The following IL22RA1 variants were observed in gnomAD, a reference collection of about 807,000 sequenced individuals.
IL22RA1 encodes interleukin-22 receptor subunit alpha-1.
IL22RA1 carries 25 observed loss-of-function variants against 32.8 expected under a neutral mutation model. The ratio of observed to expected loss-of-function variants is 0.76; its 90% CI spans 0.55 to 1.06. The LOEUF is 1.06. Ranked by LOEUF, IL22RA1 falls within the 50% of genes least tolerant of loss-of-function variation. The pLI, the probability that IL22RA1 is intolerant of heterozygous loss-of-function variation, is 0.00. For missense variants in IL22RA1, 709 were observed against 727.4 expected (o/e 0.97, Z 0.29); for synonymous variants, 305 against 305.0 (o/e 1.00, Z 0.00).
In IL22RA1 at chr1:24,123,399, G is replaced by A. The variant is rs1192986172; in HGVS notation, c.695C>T (p.Ser232Phe). ...LPDRTWTYSFSGAFLFSMGFL... is the reference protein window; with the variant it reads ...LPDRTWTYSFFGAFLFSMGFL... ...GCCCATGGAGAACAGGAAGGCTCCG[G>A]AGAAGGAGTAGGTCCATGTCCGGTC... is the stretch of plus-strand genomic sequence containing the variant. Residue 232 changes from serine (S) to phenylalanine (F), a missense_variant, in exon 6 of 7, where the codon TCC becomes TTC. Coordinates refer to ENST00000270800, the MANE Select transcript of IL22RA1 (RefSeq NM_021258.4). 1 of 1,613,742 alleles carries A rather than the reference G, an allele frequency of 6.2e-7. No individual in the cohort carries two copies. Among genetic ancestry groups the A allele is most frequent in the African/African-American group, 1.3e-5 (1 of 74,922 alleles).
At chr1:24,140,249 C>A (rs1206741827) in intron 1 of IL22RA1, among the ~76,000 whole-genome samples, 1 of 152,190 alleles carries the variant, frequency 6.6e-6, no homozygotes, top group Non-Finnish European at 1.5e-5. Flanking sequence ...ATGTGAAGAA[C>A]CTACAATATT....
chr1:24,125,913 A>T (rs2148570839), intron 5 of IL22RA1, among the ~76,000 whole-genome samples: 1 of 152,382 alleles, frequency 6.6e-6, no homozygotes, highest in Admixed American at 6.5e-5. Context: ...TCTATATGTC[A>T]GCAAGAAGTA....
At position 24,120,812 on chromosome 1, in the gene IL22RA1, T is replaced by C; in HGVS notation, c.1718A>G (p.Glu573Gly). ...FRGLALTVQW[E>G]S ...AAGCCTTTCCCATTCCCCTCAGGAC[T>C]CCCACTGCACAGTCAGGGCCAGGCC... Residue 573 changes from glutamate to glycine, a missense_variant, in exon 7 of 7, where the codon GAG becomes GGG. Glu to Gly is a moderately conservative substitution (Grantham distance 98, BLOSUM62 -2). Transcript: ENST00000270800. The C allele has an allele frequency of 6.3e-7, 1 of 1,598,204 alleles. No individual in the cohort carries two copies. Among genetic ancestry groups the C allele is most frequent in the Non-Finnish European group, 8.5e-7 (1 of 1,171,310 alleles).
intron 5 of IL22RA1, among the ~76,000 whole-genome samples, chr1:24,125,498 T>C (rs1452427111): frequency 6.7e-6 from 1 of 148,432 alleles, no homozygotes; most frequent in Non-Finnish European, 1.5e-5. Flanking sequence ...ATTCTGAGGG[T>C]AATGCAGACG....
intron 4 of IL22RA1, 34 bp downstream of exon 4, chr1:24,134,177 G>C: frequency 6.4e-7 from 1 of 1,568,536 alleles, no homozygotes; most frequent in East Asian, 2.4e-5. Flanking sequence ...AGGCTTCCTA[G>C]GCAGAGAAAG....
chr1:24,138,987 C>T (rs1644262293), intron 1 of IL22RA1, among the ~76,000 whole-genome samples: 1 of 152,254 alleles, frequency 6.6e-6, no homozygotes, highest in Admixed American at 6.5e-5. Context: ...ATAAATGTCA[C>T]CACCTTACAG....
intron 4 of IL22RA1, among the ~76,000 whole-genome samples, chr1:24,133,481 A>G (rs1334231949): frequency 2.0e-5 from 3 of 152,158 alleles, no homozygotes; most frequent in African/African-American, 7.2e-5. Flanking sequence ...GCACATGCTG[A>G]GGGTAGGGGG....
chr1:24,124,167 T>C (rs1031522937), intron 5 of IL22RA1, among the ~76,000 whole-genome samples: 1 of 152,100 alleles, frequency 6.6e-6, no homozygotes, highest in Admixed American at 6.5e-5. Flanking sequence ...CCTTCTAAAG[T>C]GCTGGGTGCA....
At chr1:24,136,991 A>G in intron 3 of IL22RA1, 140 bp downstream of exon 3, 1 of 762,884 alleles carries the variant, frequency 1.3e-6, no homozygotes, top group South Asian at 2.0e-5. Flanking sequence ...CCTAAAAGCC[A>G]CATCCCCAGC....
intron 1 of IL22RA1, 59 bp downstream of exon 1, chr1:24,142,981 C>T (rs995931591): frequency 3.5e-5 from 53 of 1,517,228 alleles, no homozygotes; most frequent in Non-Finnish European, 4.4e-5. Flanking sequence ...GGGGAGATGA[C>T]CCTGATCGTT....
In IL22RA1 at chr1:24,120,025, A is replaced by G. The variant is rs376387178; in HGVS notation, c.*780T>C. 1 of 152,278 alleles carries G rather than the reference A, an allele frequency of 6.6e-6. No individual in the cohort carries two copies. The highest frequency in any genetic ancestry group is 2.1e-4 in the South Asian group (1 of 4,832). 9.4% of individuals were successfully genotyped at this position (152,278 alleles called of 1,614,324 possible). A position where few individuals can be genotyped will look rare whatever the true frequency, so the allele number is the denominator to read the frequency against. On this transcript the variant is annotated 3_prime_UTR_variant, in exon 7 of 7. Transcript: ENST00000270800. The stretch of plus-strand genomic sequence containing the variant: ...GCTTGCAAAGTTGTGACATCAGTAC[A>G]GTGTGTTATTGTACCCGTCCAGGGG...
chr1:24,130,818 C>A (rs1644199139), intron 4 of IL22RA1, among the ~76,000 whole-genome samples: 2 of 152,324 alleles, frequency 1.3e-5, no homozygotes, highest in Admixed American at 1.3e-4. Context: ...GATTCTCCTG[C>A]CTCAGCCTCC....
chr1:24,135,651 G>A (rs1644236611), intron 3 of IL22RA1, among the ~76,000 whole-genome samples: 1 of 152,156 alleles, frequency 6.6e-6, no homozygotes, highest in Admixed American at 6.5e-5. Flanking sequence ...GAGGCCTCAG[G>A]AAACTTACAA....
At chr1:24,121,899 G>A (rs538739096) in intron 6 of IL22RA1, among the ~76,000 whole-genome samples, 162 bp from the exon 7 acceptor site, 6 of 152,268 alleles carry the variant, frequency 3.9e-5, no homozygotes, top group Non-Finnish European at 8.8e-5. Context: ...ACTCCTCTAG[G>A]TGCAAGTGCC....
rs1212677272 is a variant in IL22RA1, at chr1:24,138,591, T to A, written c.167A>T (p.Glu56Val). 2 of 1,614,108 alleles carry A rather than the reference T, an allele frequency of 1.2e-6. No individual in the cohort carries two copies. Among genetic ancestry groups the A allele is most frequent in the South Asian group, 2.2e-5 (2 of 91,074 alleles). The change falls in exon 2 of 7, where the codon GAG (glutamate) becomes GTG (valine). Residue 56 changes from glutamate (E) to valine (V), a missense_variant. Transcript: ENST00000270800. ...EGTPDTVYSI[E>V]YKTYGERDWV... ...CAAGAGAGAAGCCTACGTCTTATAC[T>A]CGATGCTGTAGACCGTGTCTGGGGT... is the stretch of plus-strand genomic sequence containing the variant.
rs140482575 is a variant in IL22RA1 at position 24,134,342 on chromosome 1, A to G, written c.400T>C (p.Ser134Pro). The G allele has an allele frequency of 1.9e-6, 3 of 1,591,250 alleles. No individual in the cohort carries two copies. Among genetic ancestry groups the G allele is most frequent in the Non-Finnish European group, 2.6e-6 (3 of 1,168,146 alleles). Reference protein sequence around the residue: ...PDVTCISKVRSIQMIVHPTPT... With the variant: ...PDVTCISKVRPIQMIVHPTPT... ...GTAGGATGAACAATCATCTGAATCG[A>G]TCTCACTTTGGAGATACAGGTCACA... The change falls in exon 4 of 7, where the codon TCG becomes CCG. Residue 134 changes from serine (S) to proline (P), a missense_variant. Coordinates refer to ENST00000270800, the MANE Select transcript of IL22RA1 (RefSeq NM_021258.4).
At chr1:24,129,819 T>C (rs1003432046) in intron 4 of IL22RA1, among the ~76,000 whole-genome samples, 12 of 152,226 alleles carry the variant, frequency 7.9e-5, no homozygotes, top group African/African-American at 2.9e-4. Context: ...CTTATTGTTT[T>C]GTGGAACTCA....
intron 4 of IL22RA1, among the ~76,000 whole-genome samples, chr1:24,132,175 A>T (rs2148573148): frequency 6.6e-6 from 1 of 152,262 alleles, no homozygotes; most frequent in South Asian, 2.1e-4. Context: ...GCGTTGGGGA[A>T]GAAGCGCCTG....
intron 6 of IL22RA1, 110 bp from the exon 7 acceptor site, chr1:24,121,847 T>C (rs1644126389): frequency 2.6e-6 from 2 of 783,110 alleles, no homozygotes; most frequent in South Asian, 3.0e-5. Flanking sequence ...TGGGGGCTTT[T>C]TCAAGATGCG....
Sources: gnomAD v4.1 joint callset for allele counts (sites outside exome capture counted in the v4.1 genomes callset) on GRCh38, gnomAD v4.1.1 for gene constraint, MANE v1.5 for transcripts, NCBI Gene and HGNC (gene_info 2026-07-23, HGNC 2026-07-21) for gene names.